ADARB1: variants seen among roughly 807,000 people sequenced by gnomAD.
ADARB1 encodes the protein double-stranded RNA-specific editase 1.
A neutral mutation model predicts 52.4 loss-of-function variants in ADARB1; 10 were observed. The observed-to-expected ratio is 0.19, with a 90% CI of 0.12 to 0.32. The LOEUF is 0.32. ADARB1 is among the 10% of genes least tolerant of loss of function. The pLI is 1.00. For missense variants in ADARB1, 643 were observed against 922.3 expected (o/e 0.70, Z 3.92); for synonymous variants, 349 against 371.1 (o/e 0.94, Z 0.68).
At chr21:45,113,470 T>G (rs1430401308) in intron 1 of ADARB1, among the ~76,000 whole-genome samples, 1 of 139,890 alleles carries the variant, frequency 7.1e-6, no homozygotes, top group Non-Finnish European at 1.5e-5. Flanking sequence ...TGTGTGTGTA[T>G]ATATATATAT....
At chr21:45,169,957 T>C (rs986410085) in intron 2 of ADARB1, among the ~76,000 whole-genome samples, 2 of 152,266 alleles carry the variant, frequency 1.3e-5, no homozygotes, top group Admixed American at 1.3e-4. Context: ...ACTGAGGGCA[T>C]CTGCCCTGAC....
chr21:45,168,796 C>T (rs896454903), intron 2 of ADARB1, among the ~76,000 whole-genome samples: 7 of 152,072 alleles, frequency 4.6e-5, no homozygotes, highest in African/African-American at 1.4e-4. Context: ...ATTCTAACAC[C>T]TGTGTCATCT....
intron 1 of ADARB1, among the ~76,000 whole-genome samples, chr21:45,078,253 A>G (rs1409007845): frequency 6.6e-6 from 1 of 152,196 alleles, no homozygotes; most frequent in Admixed American, 6.5e-5. Context: ...TGGAAGCTCT[A>G]CTTGCTTCTA....
chr21:45,222,624 G>A lies in ADARB1; in HGVS notation c.*427G>A, dbSNP rs2092986304. 1.0e-6 allele frequency: 1 copy of A among 996,042 alleles called. No homozygotes were observed. Among genetic ancestry groups the A allele is most frequent in the Non-Finnish European group, 1.2e-6 (1 of 837,258 alleles). 61.7% of individuals were successfully genotyped at this position (996,042 alleles called of 1,614,324 possible). On this transcript the variant is annotated 3_prime_UTR_variant, in exon 11 of 11. Coordinates refer to ENST00000348831, the MANE Select transcript of ADARB1 (RefSeq NM_001112.4). ...ATAAAATAGGAAGTAATTGTGTCAG[G>A]TCACTTTTATGCCACATTATTTTAA...
At chr21:45,125,375 A>G (rs2088508127) in intron 1 of ADARB1, among the ~76,000 whole-genome samples, 1 of 152,162 alleles carries the variant, frequency 6.6e-6, no homozygotes, top group South Asian at 2.1e-4. Flanking sequence ...CCTGTATGAG[A>G]AGGCTTCTTC....
intron 1 of ADARB1, among the ~76,000 whole-genome samples, chr21:45,085,408 A>G (rs905320573): frequency 2.0e-5 from 3 of 152,244 alleles, no homozygotes; most frequent in Non-Finnish European, 2.9e-5. Flanking sequence ...AGACCTAAGC[A>G]TAAATAGTGT....
At chr21:45,099,451 G>A (rs2123722441) in intron 1 of ADARB1, among the ~76,000 whole-genome samples, 1 of 152,126 alleles carries the variant, frequency 6.6e-6, no homozygotes, top group African/African-American at 2.4e-5. Flanking sequence ...GATCACTTGA[G>A]GTCAGGAGTT....
At chr21:45,120,219 C>A (rs1424189458) in intron 1 of ADARB1, among the ~76,000 whole-genome samples, 2 of 152,196 alleles carry the variant, frequency 1.3e-5, no homozygotes, top group Non-Finnish European at 2.9e-5. Flanking sequence ...CATCTCACAG[C>A]CCATGGTGAG....
intron 1 of ADARB1, among the ~76,000 whole-genome samples, chr21:45,093,397 G>A (rs968843623): frequency 6.6e-6 from 1 of 152,184 alleles, no homozygotes; most frequent in Non-Finnish European, 1.5e-5. Context: ...GCTCCCATTG[G>A]CAGGTTTCCA....
chr21:45,180,609 C>T (rs974873971), intron 5 of ADARB1, among the ~76,000 whole-genome samples, 165 bp downstream of exon 5: 1 of 152,198 alleles, frequency 6.6e-6, no homozygotes, highest in Admixed American at 6.5e-5. Flanking sequence ...CACTTACAAG[C>T]TTTTTTCCCA....
intron 2 of ADARB1, among the ~76,000 whole-genome samples, chr21:45,144,035 C>T (rs1228677516): frequency 2.6e-5 from 4 of 152,132 alleles, no homozygotes; most frequent in Non-Finnish European, 5.9e-5. Flanking sequence ...GCATTTAGGA[C>T]AGTACTGGTA....
At chr21:45,131,078 A>G (rs2088903022) in intron 2 of ADARB1, among the ~76,000 whole-genome samples, 1 of 152,354 alleles carries the variant, frequency 6.6e-6, no homozygotes, top group South Asian at 2.1e-4. Context: ...ATTACCTTAT[A>G]TAATTATAGC....
chr21:45,124,773 GTGTGTGTGTGTGTA>G lies in ADARB1; in HGVS notation c.-219-3615_-219-3602del, dbSNP rs1286191506. On this transcript the variant is annotated intron_variant, in intron 1 of 10. Coordinates refer to ENST00000348831, the MANE Select transcript of ADARB1 (RefSeq NM_001112.4). ...TTTCTTTTCTTTTTAAATGGTGTGT[GTGTGTGTGTGTGTA>G]TGTGTGTGTGTGTGTGTGTGTGTGT... 4.0e-3 allele frequency among the ~76,000 whole-genome samples: 498 copies of G among 124,020 alleles called. 4 individuals are homozygous for G. The highest frequency in any genetic ancestry group is 0.015 in the Middle Eastern group (4 of 270). 81.4% of individuals were successfully genotyped at this position (124,020 alleles called of 152,430 possible). A position where few individuals can be genotyped will look rare whatever the true frequency, so the allele number is the denominator to read the frequency against.
In ADARB1 at chr21:45,222,056, C is replaced by T; in HGVS notation, c.1965C>T (p.Pro655=). Residue 655 remains proline (P), a synonymous_variant, in exon 11 of 11, where the codon CCC becomes CCT. Transcript: ENST00000348831. ...SHLLRSKITK[P]NVYHESKLAA... ...TACTACGCTCCAAGATTACCAAGCC[C>T]AACGTGTACCATGAGTCCAAGCTGG... is the stretch of plus-strand genomic sequence containing the variant. 1.9e-6 allele frequency: 3 copies of T among 1,613,738 alleles called. No homozygotes were observed. Among genetic ancestry groups the T allele is most frequent in the South Asian group, 1.1e-5 (1 of 91,080 alleles).
intron 8 of ADARB1, among the ~76,000 whole-genome samples, chr21:45,194,227 C>G (rs533945915): frequency 6.6e-6 from 1 of 152,256 alleles, no homozygotes; most frequent in East Asian, 1.9e-4. Context: ...CACAGCCTCC[C>G]CATCATCAGC....
intron 1 of ADARB1, among the ~76,000 whole-genome samples, chr21:45,113,523 GTATA>G (rs1207979584): frequency 0.012 from 1,250 of 102,010 alleles, 11 homozygotes; most frequent in African/African-American, 0.04. Flanking sequence ...GTGTGTGTGT[GTATA>G]TATATATATA....
chr21:45,216,733 A>G (rs1481510921), intron 9 of ADARB1, among the ~76,000 whole-genome samples: 1 of 152,042 alleles, frequency 6.6e-6, no homozygotes, highest in Admixed American at 6.6e-5. Context: ...GTTTGATTAT[A>G]CTATTTATTT....
intron 8 of ADARB1, among the ~76,000 whole-genome samples, chr21:45,197,692 A>G (rs895365098): frequency 1.3e-5 from 2 of 152,320 alleles, no homozygotes; most frequent in East Asian, 1.9e-4. Context: ...CGGTAAATAG[A>G]TAGAACAGAC....
At chr21:45,095,719 G>GCGATAAGGAGTTCAGGAAAC (rs1291799669) in intron 1 of ADARB1, among the ~76,000 whole-genome samples, 7 of 152,194 alleles carry the variant, frequency 4.6e-5, no homozygotes, top group Non-Finnish European at 1.0e-4. Flanking sequence ...CATCAGGAAA[G>GCGATAAGGAGTTCAGGAAAC]CGATAAGGAG....
Sources: gnomAD v4.1 joint callset for allele counts (sites outside exome capture counted in the v4.1 genomes callset) on GRCh38, gnomAD v4.1.1 for gene constraint, MANE v1.5 for transcripts, NCBI Gene and HGNC (gene_info 2026-07-23, HGNC 2026-07-21) for gene names.